The following PACRG variants were observed in gnomAD, a reference collection of about 807,000 sequenced individuals.
PACRG encodes the protein parkin coregulated gene protein.
Under a neutral mutation model 29.7 loss-of-function variants are expected in PACRG, and 29 were observed. That is an observed-to-expected ratio of 0.98 (90% confidence interval 0.73 to 1.33). The LOEUF is 1.33. PACRG is among the 40% of genes most tolerant of loss of function. The pLI is 0.00. For missense variants in PACRG, 279 were observed against 316.2 expected (o/e 0.88, Z 0.89); for synonymous variants, 116 against 118.7 (o/e 0.98, Z 0.15).
intron 2 of PACRG, among the ~76,000 whole-genome samples, chr6:163,002,039 T>G (rs1193712801): frequency 2.0e-5 from 3 of 152,232 alleles, no homozygotes; most frequent in Admixed American, 2.0e-4. Flanking sequence ...GCTATAATAT[T>G]AAAAGTATTG....
intron 4 of PACRG, among the ~76,000 whole-genome samples, chr6:163,212,048 G>C (rs530040622): frequency 2.6e-5 from 4 of 152,134 alleles, no homozygotes; most frequent in East Asian, 1.9e-4. Context: ...GACCAGAAAG[G>C]CATCTGCATT....
At chr6:162,827,635 A>T (rs1788396454) in intron 2 of PACRG, among the ~76,000 whole-genome samples, 1 of 152,204 alleles carries the variant, frequency 6.6e-6, no homozygotes, top group Non-Finnish European at 1.5e-5. Context: ...GGCTTCTTAA[A>T]TAATCACTTT....
chr6:162,817,202 T>C (rs894061632), intron 2 of PACRG, among the ~76,000 whole-genome samples: 3 of 152,234 alleles, frequency 2.0e-5, no homozygotes, highest in South Asian at 2.1e-4. Flanking sequence ...TGTGCTGGTC[T>C]GGGGATCCCT....
chr6:163,133,530 G>A (rs1816816232), intron 4 of PACRG, among the ~76,000 whole-genome samples: 1 of 152,164 alleles, frequency 6.6e-6, no homozygotes. Context: ...CTAGAGAGGA[G>A]CCTATTACCC....
chr6:163,172,875 T>C (rs1034395630), intron 4 of PACRG, among the ~76,000 whole-genome samples: 1 of 152,266 alleles, frequency 6.6e-6, no homozygotes, highest in African/African-American at 2.4e-5. Context: ...TGCCTAGATA[T>C]TTTCAATCTG....
At chr6:162,810,653 A>G (rs1389149527) in intron 1 of PACRG, among the ~76,000 whole-genome samples, 1 of 152,224 alleles carries the variant, frequency 6.6e-6, no homozygotes, top group Non-Finnish European at 1.5e-5. Context: ...CTCAAATTAA[A>G]TAAAAGCATA....
intron 1 of PACRG, among the ~76,000 whole-genome samples, chr6:162,799,630 C>CT (rs531887803): frequency 4.0e-5 from 6 of 148,458 alleles, no homozygotes; most frequent in African/African-American, 4.9e-5. Flanking sequence ...AAGTGGGACC[C>CT]TTTTTTTTTT....
At chr6:163,004,111 G>C (rs1213082410) in intron 2 of PACRG, among the ~76,000 whole-genome samples, 1 of 151,934 alleles carries the variant, frequency 6.6e-6, no homozygotes, top group Non-Finnish European at 1.5e-5. Context: ...ACCACAGTTA[G>C]TCTTTACTTT....
At chr6:163,052,617 A>G (rs1810133517) in intron 2 of PACRG, among the ~76,000 whole-genome samples, 1 of 152,160 alleles carries the variant, frequency 6.6e-6, no homozygotes, top group Non-Finnish European at 1.5e-5. Context: ...GCCTTCCACC[A>G]TGATTATAAG....
chr6:162,970,823 A>T (rs1390541410), intron 2 of PACRG, among the ~76,000 whole-genome samples: 1 of 127,498 alleles, frequency 7.8e-6, no homozygotes, highest in Admixed American at 7.8e-5. Flanking sequence ...CATAAAGCAA[A>T]ATCTAATACT....
At chr6:163,064,663 T>A (rs1811380558) in intron 3 of PACRG, among the ~76,000 whole-genome samples, 1 of 152,078 alleles carries the variant, frequency 6.6e-6, no homozygotes, top group Admixed American at 6.5e-5. Context: ...ATAAAGAAAA[T>A]CTTTGAGGAG....
At chr6:163,294,975 T>C (rs1432668656) in intron 4 of PACRG, among the ~76,000 whole-genome samples, 1 of 152,222 alleles carries the variant, frequency 6.6e-6, no homozygotes, top group Non-Finnish European at 1.5e-5. Context: ...CATGGGCTCC[T>C]CCTCTGTAAA....
At chr6:163,165,038 T>C (rs1778733162) in intron 4 of PACRG, among the ~76,000 whole-genome samples, 1 of 152,126 alleles carries the variant, frequency 6.6e-6, no homozygotes. Context: ...TACACGTATG[T>C]TAGGGTCTAT....
chr6:162,735,178 C>A (rs2128252423), intron 1 of PACRG, among the ~76,000 whole-genome samples: 1 of 152,278 alleles, frequency 6.6e-6, no homozygotes, highest in African/African-American at 2.4e-5. Flanking sequence ...CAATTTAGAA[C>A]TGTTACAAAT....
intron 4 of PACRG, among the ~76,000 whole-genome samples, chr6:163,206,903 A>G (rs1011048330): frequency 6.6e-5 from 10 of 152,254 alleles, no homozygotes; most frequent in Middle Eastern, 3.4e-3. Context: ...AGAAGGTGCT[A>G]ATATTTGCTT....
intron 1 of PACRG, among the ~76,000 whole-genome samples, chr6:162,793,843 G>A (rs1038124401): frequency 6.6e-6 from 1 of 152,092 alleles, no homozygotes; most frequent in African/African-American, 2.4e-5. Context: ...CAATTCTTGT[G>A]TTCTGACTCT....
intron 4 of PACRG, among the ~76,000 whole-genome samples, chr6:163,311,856 A>G (rs1054433061): frequency 1.3e-5 from 2 of 152,182 alleles, no homozygotes; most frequent in African/African-American, 4.8e-5. Flanking sequence ...TCTGCTTGTC[A>G]TTGCTGCCTT....
At chr6:162,808,269 G>A (rs553607800) in intron 1 of PACRG, among the ~76,000 whole-genome samples, 1 of 152,134 alleles carries the variant, frequency 6.6e-6, no homozygotes, top group Non-Finnish European at 1.5e-5. Flanking sequence ...TTGCCCACCC[G>A]TTTATAACAA....
chr6:162,815,148 A>T (rs773982376), intron 2 of PACRG, among the ~76,000 whole-genome samples: 2 of 152,190 alleles, frequency 1.3e-5, no homozygotes, highest in African/African-American at 2.4e-5. Context: ...CACACTTATG[A>T]GTATCACATC....
Sources: gnomAD v4.1 joint callset for allele counts (sites outside exome capture counted in the v4.1 genomes callset) on GRCh38, gnomAD v4.1.1 for gene constraint, MANE v1.5 for transcripts, NCBI Gene and HGNC (gene_info 2026-07-23, HGNC 2026-07-21) for gene names.